The following IL1RAPL2 variants were observed in gnomAD, a reference collection of about 807,000 sequenced individuals.
IL1RAPL2 encodes interleukin 1 receptor accessory protein like 2.
A neutral mutation model predicts 44.1 loss-of-function variants in IL1RAPL2; 3 were observed. That is an observed-to-expected ratio of 0.07 (90% CI 0.03 to 0.18). The LOEUF is 0.18. Ranked by LOEUF, IL1RAPL2 falls within the 10% of genes least tolerant of loss-of-function variation. The pLI, the probability that IL1RAPL2 is intolerant of heterozygous loss-of-function variation, is 1.00. For synonymous variants in IL1RAPL2, 181 were observed against 178.8 expected (o/e 1.01, Z -0.10); for missense variants, 391 against 496.4 (o/e 0.79, Z 2.02).
intron 6 of IL1RAPL2, among the ~76,000 whole-genome samples, chrX:105,543,470 A>G: frequency 8.9e-6 from 1 of 111,944 alleles, no homozygotes; most frequent in Middle Eastern, 4.7e-3. Flanking sequence ...GGAGTGGTGA[A>G]ATGCACTGAA....
chrX:104,623,641 G>C (rs1929443304), intron 1 of IL1RAPL2, among the ~76,000 whole-genome samples: 1 of 111,079 alleles, frequency 9.0e-6, no homozygotes, highest in African/African-American at 3.3e-5. Flanking sequence ...CCCCAGAGTA[G>C]ACTTGACATA....
chrX:105,205,147 G>C (rs782315444), intron 3 of IL1RAPL2, among the ~76,000 whole-genome samples: 2 of 110,925 alleles, frequency 1.8e-5, no homozygotes, highest in African/African-American at 3.3e-5. Context: ...AGGTGATCAA[G>C]AAGGGCTTCA....
chrX:105,010,177 T>G (rs921111713), intron 2 of IL1RAPL2, among the ~76,000 whole-genome samples: 1 of 110,787 alleles, frequency 9.0e-6, no homozygotes, highest in East Asian at 2.9e-4. Flanking sequence ...AAAGTTAGGG[T>G]ATATTCTATT....
At chrX:104,674,955 A>C (rs866073282) in intron 2 of IL1RAPL2, among the ~76,000 whole-genome samples, 90 of 110,804 alleles carry the variant, frequency 8.1e-4, no homozygotes, top group South Asian at 1.5e-3. Context: ...TCCCCTTTAT[A>C]ATTTTTTATT....
chrX:105,122,893 G>A (rs1184416735), intron 2 of IL1RAPL2, among the ~76,000 whole-genome samples: 1 of 111,064 alleles, frequency 9.0e-6, no homozygotes, highest in African/African-American at 3.3e-5. Flanking sequence ...CCTGTTATCT[G>A]TTCTGTACAG....
intron 5 of IL1RAPL2, among the ~76,000 whole-genome samples, chrX:105,294,680 G>A (rs764078280): frequency 8.9e-6 from 1 of 112,220 alleles, no homozygotes; most frequent in Non-Finnish European, 1.9e-5. Flanking sequence ...TACTAAGTGC[G>A]TACTATGTAC....
intron 1 of IL1RAPL2, among the ~76,000 whole-genome samples, chrX:104,627,448 A>G (rs372611018): frequency 7.4e-5 from 8 of 108,685 alleles, no homozygotes; most frequent in Admixed American, 2.0e-4. Context: ...AAACCTGCAC[A>G]TTGTGCACAT....
At chrX:105,708,234 A>G (rs1423778884) in intron 6 of IL1RAPL2, among the ~76,000 whole-genome samples, 5 of 111,551 alleles carry the variant, frequency 4.5e-5, no homozygotes, top group Admixed American at 1.9e-4. Flanking sequence ...ACAGCCAACA[A>G]GACTTATCAA....
chrX:105,527,743 A>G (rs1320561716), intron 6 of IL1RAPL2, among the ~76,000 whole-genome samples: 1 of 111,161 alleles, frequency 9.0e-6, no homozygotes, highest in Non-Finnish European at 1.9e-5. Context: ...AAGAAGATAG[A>G]TATCTTTAGG....
intron 2 of IL1RAPL2, among the ~76,000 whole-genome samples, chrX:104,778,701 AGATT>A (rs1476005045): frequency 9.2e-6 from 1 of 108,526 alleles, no homozygotes; most frequent in Non-Finnish European, 1.9e-5. Context: ...TGAGATATAT[AGATT>A]ATTATTTGAG....
chrX:105,292,672 T>C (rs1228414755), intron 5 of IL1RAPL2, among the ~76,000 whole-genome samples: 1 of 111,992 alleles, frequency 8.9e-6, no homozygotes. Context: ...GTGATAAATA[T>C]GTTATGTAAT....
chrX:105,288,135 T>A (rs183625311), intron 5 of IL1RAPL2, among the ~76,000 whole-genome samples: 1 of 111,376 alleles, frequency 9.0e-6, no homozygotes, highest in African/African-American at 3.3e-5. Flanking sequence ...TTGTCAGACC[T>A]GTTCACTAGA....
At chrX:105,255,000 T>G (rs1407018461) in intron 4 of IL1RAPL2, among the ~76,000 whole-genome samples, 1 of 111,952 alleles carries the variant, frequency 8.9e-6, no homozygotes, top group Non-Finnish European at 1.9e-5. Flanking sequence ...GCCTACAGTT[T>G]TGTTCTGTTT....
intron 2 of IL1RAPL2, among the ~76,000 whole-genome samples, chrX:104,719,792 A>G (rs1931642010): frequency 1.8e-5 from 2 of 111,163 alleles, no homozygotes; most frequent in South Asian, 7.5e-4. Context: ...ATTAGCAAGA[A>G]CCTCAACCCA....
intron 6 of IL1RAPL2, among the ~76,000 whole-genome samples, chrX:105,532,590 G>A (rs907686169): frequency 9.3e-6 from 1 of 108,069 alleles, no homozygotes. Context: ...TTTTTTAAAT[G>A]TATGTATTTA....
chrX:104,981,742 T>A (rs2147726608), intron 2 of IL1RAPL2, among the ~76,000 whole-genome samples: 1 of 111,405 alleles, frequency 9.0e-6, no homozygotes, highest in South Asian at 3.8e-4. Flanking sequence ...TTATTTTGAG[T>A]TATGTTCCTT....
intron 8 of IL1RAPL2, among the ~76,000 whole-genome samples, chrX:105,743,547 AATG>A (rs1281250307): frequency 1.8e-5 from 2 of 111,070 alleles, no homozygotes; most frequent in African/African-American, 3.3e-5. Flanking sequence ...TCCTATATAA[AATG>A]ATATTACCTT....
intron 5 of IL1RAPL2, among the ~76,000 whole-genome samples, chrX:105,352,909 T>C (rs1329713886): frequency 9.1e-6 from 1 of 109,339 alleles, no homozygotes; most frequent in Non-Finnish European, 1.9e-5. Context: ...GTAGTTTCTT[T>C]TGCTGTGCAG....
At chrX:105,457,033 T>TACACACACACACACACACACAC (rs58305468) in intron 5 of IL1RAPL2, among the ~76,000 whole-genome samples, 2 of 85,323 alleles carry the variant, frequency 2.3e-5, no homozygotes, top group Non-Finnish European at 4.6e-5. Flanking sequence ...TCTAAAGTTA[T>TACACACACACACACACACACAC]ACACACACAC....
Sources: allele counts gnomAD v4.1 joint callset (sites outside exome capture counted in the v4.1 genomes callset), GRCh38; gene constraint gnomAD v4.1.1; transcripts MANE v1.5; gene names NCBI Gene and HGNC (gene_info 2026-07-23, HGNC 2026-07-21).